Variants in TM6SF1 observed in about 807,000 individuals in gnomAD.
The protein encoded by TM6SF1 is transmembrane 6 superfamily member 1.
Under a neutral mutation model 47.1 loss-of-function variants are expected in TM6SF1, and 43 were observed. That is an observed-to-expected ratio of 0.91 (90% CI 0.72 to 1.18). TM6SF1 has a LOEUF of 1.18. Ranked by LOEUF, TM6SF1 falls within the 50% of genes most tolerant of loss-of-function variation. The pLI is 0.00. For synonymous variants in TM6SF1, 177 were observed against 166.3 expected, an observed-to-expected ratio of 1.06 and a Z score of -0.49; for missense variants, 390 against 449.0, an observed-to-expected ratio of 0.87 and a Z score of 1.19.
intron 6 of TM6SF1, 60 bp downstream of exon 6, chr15:83,122,938 A>G (rs2035408372): frequency 9.4e-6 from 15 of 1,592,814 alleles, no homozygotes; most frequent in Non-Finnish European, 1.3e-5. Context: ...TTTCGCATCC[A>G]CTGGCCACTG....
chr15:83,128,427 T>G (rs564427719), intron 9 of TM6SF1: 6 of 152,332 alleles, frequency 3.9e-5, no homozygotes, highest in Non-Finnish European at 8.8e-5. Flanking sequence ...TTGAGGGGCT[T>G]AAGAAGGAAG....
At chr15:83,118,747 G>T (rs1450976548) in intron 3 of TM6SF1, among the ~76,000 whole-genome samples, 1 of 152,068 alleles carries the variant, frequency 6.6e-6, no homozygotes, top group African/African-American at 2.4e-5. Context: ...CATGAACGTG[G>T]GAGAAAGAGG....
At chr15:83,128,245 T>A (rs944978469) in intron 9 of TM6SF1, 1 of 152,228 alleles carries the variant, frequency 6.6e-6, no homozygotes, top group African/African-American at 2.4e-5. Context: ...ATGCATGGTA[T>A]AATAATCATG....
chr15:83,130,581 G>A (rs1487826198), intron 9 of TM6SF1: 1 of 152,250 alleles, frequency 6.6e-6, no homozygotes, highest in Admixed American at 6.5e-5. Context: ...GACAGACTGA[G>A]TAAAGAATTA....
chr15:83,125,719 A>G (rs1015760845), intron 7 of TM6SF1, among the ~76,000 whole-genome samples: 1 of 152,236 alleles, frequency 6.6e-6, no homozygotes, highest in Admixed American at 6.5e-5. Context: ...CGCGCGTAAC[A>G]GTTGGACAGT....
At chr15:83,112,504 G>A (rs1444309052) in intron 1 of TM6SF1, among the ~76,000 whole-genome samples, 2 of 152,126 alleles carry the variant, frequency 1.3e-5, no homozygotes, top group African/African-American at 4.8e-5. Flanking sequence ...GCAGCAGGGT[G>A]GGGTGAGGCA....
intron 9 of TM6SF1, chr15:83,130,557 G>A (rs1256423179): frequency 6.6e-6 from 1 of 152,272 alleles, no homozygotes; most frequent in South Asian, 2.1e-4. Flanking sequence ...GTTTCTCCCA[G>A]CCCAGCAGGT....
Position 83,136,572 on chromosome 15 carries a change from T to A in TM6SF1, c.1013T>A (p.Leu338Ter). Residue 338 changes from leucine (L) to a stop codon, truncating the protein, a stop_gained, in exon 10 of 10, where the codon TTA becomes TAA. Coordinates refer to ENST00000322019, the MANE Select transcript of TM6SF1 (RefSeq NM_023003.5). LOFTEE classifies it high-confidence loss of function. ...PEEAKILFLALNIAYGVLPQL... is the reference protein window; with the variant it reads ...PEEAKILFLA ...GAAGCAAAAATCCTTTTTTTAGCAT[T>A]AAACATAGCATATGGAGTTCTTCCT... The A allele has an allele frequency of 6.2e-7, 1 of 1,613,910 alleles. No homozygotes were observed. Among genetic ancestry groups the A allele is most frequent in the Non-Finnish European group, 8.5e-7 (1 of 1,179,884 alleles).
At chr15:83,116,607 T>C (rs539206732) in intron 3 of TM6SF1, among the ~76,000 whole-genome samples, 1 of 152,238 alleles carries the variant, frequency 6.6e-6, no homozygotes, top group South Asian at 2.1e-4. Flanking sequence ...AGATTTTAAG[T>C]CAGTGAAGAA....
chr15:83,119,874 T>C (rs2035060952), intron 4 of TM6SF1, 193 bp downstream of exon 4: 1 of 761,146 alleles, frequency 1.3e-6, no homozygotes, highest in East Asian at 2.8e-5. Flanking sequence ...TCTGAATTGC[T>C]CCCTAGCATG....
intron 4 of TM6SF1, 127 bp downstream of exon 4, chr15:83,119,808 G>A (rs2035053716): frequency 2.1e-6 from 3 of 1,450,998 alleles, no homozygotes; most frequent in Middle Eastern, 2.1e-4. Context: ...AGTTCCATGG[G>A]TGCACGTCAG....
intron 7 of TM6SF1, among the ~76,000 whole-genome samples, chr15:83,125,974 G>A (rs556767775): frequency 1.3e-5 from 2 of 152,332 alleles, no homozygotes; most frequent in East Asian, 3.9e-4. Context: ...CTGTTCTTTG[G>A]TTAGTTTGTT....
chr15:83,133,496 A>G (rs1567158951), intron 9 of TM6SF1: 1 of 152,244 alleles, frequency 6.6e-6, no homozygotes. Context: ...AAATCAGAGT[A>G]TATCTCTTAA....
Position 83,136,504 on chromosome 15 carries a change from A to G in TM6SF1, c.945A>G (p.Ala315=), listed in dbSNP as rs1344160356. ...AGGCTCAGTTTTCTCACATTGGTGCATCTCTTCATGCTAGAACTGCTTATG... is the reference window on the plus strand; with the variant it reads ...AGGCTCAGTTTTCTCACATTGGTGCGTCTCTTCATGCTAGAACTGCTTATG... ...LAQAQFSHIG[A]SLHARTAYVY... The change falls in exon 10 of 10, where the codon GCA becomes GCG. Residue 315 remains alanine, a synonymous_variant. Transcript: ENST00000322019. 1.9e-6 allele frequency: 3 copies of G among 1,586,060 alleles called. No individual in the cohort carries two copies. Among genetic ancestry groups the G allele is most frequent in the East Asian group, 2.2e-5 (1 of 44,754 alleles).
intron 1 of TM6SF1, among the ~76,000 whole-genome samples, chr15:83,108,355 G>A (rs1297873228): frequency 1.3e-5 from 2 of 152,086 alleles, no homozygotes; most frequent in East Asian, 1.9e-4. Context: ...TCGGTTTTCC[G>A]GTCAAGTGGA....
At chr15:83,129,423 T>C (rs1252122417) in intron 9 of TM6SF1, 1 of 152,154 alleles carries the variant, frequency 6.6e-6, no homozygotes, top group African/African-American at 2.4e-5. Flanking sequence ...GTGACTGTGG[T>C]CTTCCTGCCT....
In TM6SF1 at chr15:83,120,331, G is replaced by A. The variant is rs150041973; in HGVS notation, c.398+650G>A. Among the ~76,000 whole-genome samples, 861 of 152,324 alleles carry A rather than the reference G, an allele frequency of 5.7e-3. 6 individuals carry two copies. The highest frequency in any genetic ancestry group is 0.019 in the African/African-American group (800 of 41,570). The stretch of plus-strand genomic sequence containing the variant: ...TGCACTAATCCCTGAAGTGAACGAC[G>A]TGCTCTTGGGCTGAATTTCTGCCCA... On this transcript the variant is annotated intron_variant, in intron 4 of 9. Coordinates refer to ENST00000322019, the MANE Select transcript of TM6SF1 (RefSeq NM_023003.5).
Position 83,122,821 on chromosome 15 carries a change from C to G in TM6SF1, c.546C>G (p.Val182=). The stretch of plus-strand genomic sequence containing the variant: ...GCATACCATATACTTGTCTTCCTGT[C>G]TGGGCTGGTTTCAGAATCTATAATC... ...FLSIPYTCLP[V]WAGFRIYNQP... Residue 182 remains valine (V), a synonymous_variant, in exon 6 of 10, where the codon GTC becomes GTG. Transcript: ENST00000322019. 1 of 1,613,978 alleles carries G rather than the reference C, an allele frequency of 6.2e-7. No individual in the cohort carries two copies. Among genetic ancestry groups the G allele is most frequent in the Non-Finnish European group, 8.5e-7 (1 of 1,179,930 alleles).
At chr15:83,122,053 CT>C (rs1293240841) in intron 5 of TM6SF1, 50 bp downstream of exon 5, 1 of 1,409,750 alleles carries the variant, frequency 7.1e-7, no homozygotes, top group Non-Finnish European at 9.9e-7. Context: ...AACAATGGGG[CT>C]TGTTTTTAAA....
Sources: allele counts gnomAD v4.1 joint callset (sites outside exome capture counted in the v4.1 genomes callset), GRCh38; gene constraint gnomAD v4.1.1; transcripts MANE v1.5; gene names NCBI Gene and HGNC (gene_info 2026-07-23, HGNC 2026-07-21).